Variants in RCL1 observed in about 807,000 individuals in gnomAD.
The protein encoded by RCL1 is RNA 3'-terminal phosphate cyclase-like protein.
In RCL1, 24 loss-of-function variants were observed where a neutral mutation model predicts 42.4. The observed-to-expected ratio is 0.57, with a 90% CI of 0.41 to 0.80. RCL1 has a LOEUF of 0.80. RCL1 is among the 30% of genes least tolerant of loss of function. RCL1 has a pLI of 0.00. For missense variants in RCL1, 578 were observed against 467.9 expected (o/e 1.24, Z -2.17); for synonymous variants, 228 against 177.3 (o/e 1.29, Z -2.27).
chr9:4,828,165 C>CAAA (rs147771721), intron 3 of RCL1, among the ~76,000 whole-genome samples: 14 of 50,664 alleles, frequency 2.8e-4, no homozygotes, highest in South Asian at 1.5e-3. Context: ...GACTCCGTCT[C>CAAA]AAAAAAAAAA....
chr9:4,810,539 T>A (rs916948700), intron 1 of RCL1, among the ~76,000 whole-genome samples: 2 of 152,204 alleles, frequency 1.3e-5, no homozygotes, highest in African/African-American at 4.8e-5. Context: ...CGTCATGTTA[T>A]TCTGTTTTTT....
intron 2 of RCL1, 144 bp from the exon 3 acceptor site, chr9:4,826,714 A>T: frequency 1.4e-6 from 1 of 690,756 alleles, no homozygotes; most frequent in Non-Finnish European, 2.5e-6. Flanking sequence ...TTTGGAGCGA[A>T]GTGTGGGCTC....
chr9:4,844,429 C>T lies in RCL1; in HGVS notation c.711-96C>T, dbSNP rs1431100869. 3.5e-5 allele frequency: 32 copies of T among 914,520 alleles called. No homozygotes were observed. In the East Asian group the frequency reaches 6.7e-4, roughly 19 times the overall value. The allele number at this position is 914,520 out of a possible 1,614,324, so 56.7% of individuals were successfully genotyped here. A position where few individuals can be genotyped will look rare whatever the true frequency, so the allele number is the denominator to read the frequency against. On this transcript the variant is annotated intron_variant, in intron 6 of 8. Coordinates refer to ENST00000381750, the MANE Select transcript of RCL1 (RefSeq NM_005772.5). ...AGAAAGAAGCCTTTGAACACAGTGC[C>T]GTCAAAAAAAATGTTTGTCTTCTCT...
intron 7 of RCL1, among the ~76,000 whole-genome samples, chr9:4,846,582 C>T (rs1587728671): frequency 6.6e-6 from 1 of 152,274 alleles, no homozygotes; most frequent in East Asian, 1.9e-4. Flanking sequence ...GGGCGGGAAA[C>T]AGTGCATGCA....
intron 2 of RCL1, among the ~76,000 whole-genome samples, chr9:4,826,541 T>C (rs1352234018): frequency 6.6e-6 from 1 of 152,190 alleles, no homozygotes; most frequent in Non-Finnish European, 1.5e-5. Flanking sequence ...AGTCTGAGAA[T>C]GTGCTGTTGG....
intron 8 of RCL1, among the ~76,000 whole-genome samples, chr9:4,852,769 C>T (rs905591035): frequency 2.8e-5 from 4 of 143,596 alleles, no homozygotes; most frequent in African/African-American, 5.1e-5. Flanking sequence ...GGTCAGGTCA[C>T]TTTTTTTTTT....
rs760964494 is a variant in RCL1 at position 4,844,615 on chromosome 9, A to C, written c.801A>C (p.Gly267=). 6.2e-7 allele frequency: 1 copy of C among 1,614,036 alleles called. No individual in the cohort carries two copies. Among genetic ancestry groups the C allele is most frequent in the Non-Finnish European group, 8.5e-7 (1 of 1,179,980 alleles). ...TGGCCTCCAACCCCCAGGGCCAGGG[A>C]GCAGCAGTACTTCCAGAGGACCTTG... ...AELASNPQGQ[G]AAVLPEDLGR... is the part of the protein sequence containing the mutation. Residue 267 remains glycine (G), a synonymous_variant, in exon 7 of 9, where the codon GGA becomes GGC. Coordinates refer to ENST00000381750, the MANE Select transcript of RCL1 (RefSeq NM_005772.5).
At chr9:4,820,628 A>T (rs1236711438) in intron 1 of RCL1, among the ~76,000 whole-genome samples, 3 of 152,154 alleles carry the variant, frequency 2.0e-5, no homozygotes, top group Non-Finnish European at 2.9e-5. Context: ...GTTTAATCTT[A>T]GGCTTTATTT....
intron 1 of RCL1, among the ~76,000 whole-genome samples, chr9:4,795,896 G>A (rs1047494365): frequency 6.6e-6 from 1 of 152,196 alleles, no homozygotes; most frequent in Non-Finnish European, 1.5e-5. Context: ...TGTCATGTAA[G>A]TAGGATGTTA....
intron 3 of RCL1, among the ~76,000 whole-genome samples, chr9:4,829,378 T>C (rs541628544): frequency 8.5e-5 from 13 of 152,272 alleles, no homozygotes; most frequent in African/African-American, 2.4e-4. Context: ...GACTTCATGA[T>C]TTCTGTCCTG....
rs1818136479 is a variant in RCL1, at chr9:4,860,486, G to A, written c.*211G>A. On this transcript the variant is annotated 3_prime_UTR_variant, in exon 9 of 9. Transcript: ENST00000381750. ...GTGGCATTGCCATTGCCCAGGAGGGGCCCAGTCACCATGAGAGCTCCCTTG... is the reference window on the plus strand; with the variant it reads ...GTGGCATTGCCATTGCCCAGGAGGGACCCAGTCACCATGAGAGCTCCCTTG... 5.5e-6 allele frequency: 3 copies of A among 549,814 alleles called. No homozygotes were observed. Among genetic ancestry groups the A allele is most frequent in the African/African-American group, 2.0e-5 (1 of 50,348 alleles). 34.1% of individuals were successfully genotyped at this position (549,814 alleles called of 1,614,324 possible).
chr9:4,846,400 G>C (rs1436153586), intron 7 of RCL1, among the ~76,000 whole-genome samples: 1 of 152,200 alleles, frequency 6.6e-6, no homozygotes, highest in Non-Finnish European at 1.5e-5. Context: ...CAAGTCTTGT[G>C]CAGTCACGAT....
At chr9:4,848,783 G>T (rs1817608644) in intron 7 of RCL1, among the ~76,000 whole-genome samples, 1 of 152,120 alleles carries the variant, frequency 6.6e-6, no homozygotes, top group South Asian at 2.1e-4. Flanking sequence ...AGTCTGTTCT[G>T]CTTGTTAATT....
At chr9:4,850,493 CTTT>C (rs35181848) in intron 8 of RCL1, 119 of 136,798 alleles carry the variant, frequency 8.7e-4, no homozygotes, top group South Asian at 4.3e-3. Flanking sequence ...TTTTTTTTTT[CTTT>C]TTTTTTTTTT....
chr9:4,844,768 C>T, intron 7 of RCL1, 87 bp downstream of exon 7: 1 of 1,382,330 alleles, frequency 7.2e-7, no homozygotes, highest in African/African-American at 1.4e-5. Context: ...TCGTCCTCTT[C>T]CAAGGGCTCA....
At chr9:4,812,010 A>G (rs1437506083) in intron 1 of RCL1, among the ~76,000 whole-genome samples, 1 of 152,110 alleles carries the variant, frequency 6.6e-6, no homozygotes, top group Non-Finnish European at 1.5e-5. Flanking sequence ...AGGGATGTCT[A>G]TTCAGCTTTT....
At chr9:4,841,805 G>A (rs547929339) in intron 6 of RCL1, among the ~76,000 whole-genome samples, 7 of 152,160 alleles carry the variant, frequency 4.6e-5, no homozygotes, top group East Asian at 1.9e-4. Context: ...TATTGCAGAC[G>A]TGAATTTGGT....
At position 4,856,097 on chromosome 9, in the gene RCL1, T is replaced by G. The variant is rs147853353; in HGVS notation, c.972-4028T>G. On this transcript the variant is annotated intron_variant, in intron 8 of 8. Coordinates refer to ENST00000381750, the MANE Select transcript of RCL1 (RefSeq NM_005772.5). ...AGGAGAGACCAATCTGTTTTCTCCT[T>G]CAGATGCAGAGTGGGTGAGATGGCT... Among the ~76,000 whole-genome samples the G allele has an allele frequency of 2.9e-3, 448 of 152,294 alleles. 1 individual carries two copies. The highest frequency in any genetic ancestry group is 1.0e-2 in the African/African-American group (414 of 41,572).
chr9:4,808,028 T>C (rs1242367367), intron 1 of RCL1, among the ~76,000 whole-genome samples: 1 of 152,160 alleles, frequency 6.6e-6, no homozygotes, highest in Non-Finnish European at 1.5e-5. Context: ...TGTTCTTCTC[T>C]TGTTGGGTGG....
Sources: allele counts gnomAD v4.1 joint callset (sites outside exome capture counted in the v4.1 genomes callset), GRCh38; gene constraint gnomAD v4.1.1; transcripts MANE v1.5; gene names NCBI Gene and HGNC (gene_info 2026-07-23, HGNC 2026-07-21).